Variants in CALN1 observed in about 807,000 individuals in gnomAD.
The protein encoded by CALN1 is calneuron 1.
Under a neutral mutation model 30.6 loss-of-function variants are expected in CALN1, and 17 were observed. The observed-to-expected ratio is 0.56, with a 90% CI of 0.38 to 0.83. The LOEUF (loss-of-function observed/expected upper bound fraction) is 0.83. CALN1 is among the 40% of genes least tolerant of loss of function. The pLI, the probability that CALN1 is intolerant of heterozygous loss-of-function variation, is 0.00. For missense variants in CALN1, 291 were observed against 354.9 expected, an observed-to-expected ratio of 0.82 and a Z score of 1.45; for synonymous variants, 156 against 131.4, an observed-to-expected ratio of 1.19 and a Z score of -1.28.
intron 2 of CALN1, among the ~76,000 whole-genome samples, chr7:72,368,153 G>T (rs1034967820): frequency 1.1e-4 from 16 of 150,542 alleles, no homozygotes; most frequent in Non-Finnish European, 4.4e-5. Context: ...ATATCTATGT[G>T]TGTGTATATA....
chr7:72,425,268 C>A (rs1429031255), intron 1 of CALN1, among the ~76,000 whole-genome samples: 4 of 152,182 alleles, frequency 2.6e-5, no homozygotes, highest in African/African-American at 9.7e-5. Flanking sequence ...CACGTGCCAC[C>A]ACACCCAGCT....
At chr7:72,482,585 C>T in the CALN1 span, among the ~76,000 whole-genome samples, 3 of 152,192 alleles carry the variant, frequency 2.0e-5, no homozygotes, top group East Asian at 5.8e-4. Context: ...TCAAATGATA[C>T]TATACCACTT....
At chr7:71,810,896 C>CTTTTTTTTTT (rs71092916) in intron 5 of CALN1, among the ~76,000 whole-genome samples, 1 of 139,196 alleles carries the variant, frequency 7.2e-6, no homozygotes, top group African/African-American at 2.6e-5. Context: ...AAGCATGTAT[C>CTTTTTTTTTT]TTTTTTTTTT....
At chr7:72,146,074 C>T (rs1453371729) in intron 3 of CALN1, among the ~76,000 whole-genome samples, 1 of 152,148 alleles carries the variant, frequency 6.6e-6, no homozygotes, top group Non-Finnish European at 1.5e-5. Context: ...GACAGGGATG[C>T]CCTCTCTCAC....
rs1032764504 is a variant in CALN1 at position 72,090,472 on chromosome 7, T to C, written c.388+15679A>G. The stretch of plus-strand genomic sequence containing the variant: ...ACCGTCTATTAAAATTTGAGAGATA[T>C]TACTGAGACTTTTCTCAGTGTCCAA... On this transcript the variant is annotated intron_variant, in intron 4 of 6. Transcript: ENST00000395275. Among the ~76,000 whole-genome samples the C allele has an allele frequency of 1.3e-4, 20 of 152,170 alleles. 2 individuals carry two copies. The highest frequency in any genetic ancestry group is 1.2e-3 in the Admixed American group (19 of 15,274).
chr7:72,005,690 A>G (rs1042975960), intron 5 of CALN1, among the ~76,000 whole-genome samples: 1 of 152,160 alleles, frequency 6.6e-6, no homozygotes, highest in Non-Finnish European at 1.5e-5. Context: ...TGATGGAAGA[A>G]AAACGCCCAC....
chr7:72,497,441 A>G, the CALN1 span, among the ~76,000 whole-genome samples: 2 of 152,208 alleles, frequency 1.3e-5, no homozygotes, highest in Non-Finnish European at 2.9e-5. Context: ...CCCCATCTCA[A>G]AAAAAACAAA....
intron 5 of CALN1, among the ~76,000 whole-genome samples, chr7:71,968,055 A>T (rs1443079489): frequency 6.6e-6 from 1 of 152,202 alleles, no homozygotes; most frequent in Non-Finnish European, 1.5e-5. Flanking sequence ...GAGAAATGAA[A>T]ATATATGCCC....
At chr7:72,033,721 C>A (rs796787266) in intron 4 of CALN1, among the ~76,000 whole-genome samples, 24 of 152,198 alleles carry the variant, frequency 1.6e-4, no homozygotes, top group African/African-American at 5.8e-4. Context: ...CAAGCTGGGC[C>A]CAGAAGGTCA....
Position 72,403,392 on chromosome 7 carries a change from CAG to C in CALN1, c.-25_-24del, listed in dbSNP as rs535487291. On this transcript the variant is annotated 5_prime_UTR_variant, in exon 2 of 7. Transcript: ENST00000395275. ...CATCGGGGGTCCAGGGCGATGTTCTCAGAGAGAGTTAGAAGCTCATCAAAGGA... is the reference window on the plus strand; with the variant it reads ...CATCGGGGGTCCAGGGCGATGTTCTCAGAGAGTTAGAAGCTCATCAAAGGA... 345 of 1,530,872 alleles carry C rather than the reference CAG, an allele frequency of 2.3e-4. 4 individuals are homozygous for C. The South Asian group carries it at 3.5e-3, about 16-fold the overall frequency. The allele number at this position is 1,530,872 out of a possible 1,614,324, so 94.8% of individuals were successfully genotyped here.
At chr7:72,140,883 G>A (rs1350726045) in intron 3 of CALN1, among the ~76,000 whole-genome samples, 1 of 152,246 alleles carries the variant, frequency 6.6e-6, no homozygotes, top group Admixed American at 6.5e-5. Flanking sequence ...TCCAGCCCAG[G>A]GCGCTGGGGC....
At chr7:72,132,441 A>C (rs1263204881) in intron 3 of CALN1, among the ~76,000 whole-genome samples, 1 of 152,208 alleles carries the variant, frequency 6.6e-6, no homozygotes, top group African/African-American at 2.4e-5. Flanking sequence ...CATGAAGTCA[A>C]AAATGTGTAA....
intron 3 of CALN1, among the ~76,000 whole-genome samples, chr7:72,156,081 T>C (rs1450542960): frequency 6.6e-6 from 1 of 152,088 alleles, no homozygotes; most frequent in African/African-American, 2.4e-5. Context: ...GGTTAGGACA[T>C]GAACATCTTT....
upstream of CALN1, among the ~76,000 whole-genome samples, chr7:72,448,372 G>A (rs550404705): frequency 1.2e-4 from 19 of 152,260 alleles, no homozygotes; most frequent in East Asian, 1.4e-3. Context: ...GATAGAGCAC[G>A]AATCTGTGTC....
Position 71,847,833 on chromosome 7 carries a change from AG to A in CALN1, c.502-37342del, listed in dbSNP as rs1554353706. On this transcript the variant is annotated intron_variant, in intron 5 of 6. Transcript: ENST00000395275. ...AAGGAGAAGGAGAAGGAGAAGGAGA[AG>A]GAGAAGGAGAAGGAGAAGAAGAAGA... 2.7e-3 allele frequency among the ~76,000 whole-genome samples: 265 copies of A among 98,866 alleles called. 2 individuals are homozygous for A. Among genetic ancestry groups the A allele is most frequent in the African/African-American group, 0.012 (241 of 19,630 alleles). 64.9% of individuals were successfully genotyped at this position (98,866 alleles called of 152,430 possible).
At chr7:71,934,532 A>C (rs1314425928) in intron 5 of CALN1, among the ~76,000 whole-genome samples, 1 of 152,182 alleles carries the variant, frequency 6.6e-6, no homozygotes, top group Non-Finnish European at 1.5e-5. Flanking sequence ...GTGCCACGTG[A>C]CAAGAAAGGG....
intron 5 of CALN1, among the ~76,000 whole-genome samples, chr7:72,002,968 G>C (rs1310274982): frequency 1.3e-5 from 2 of 152,144 alleles, no homozygotes; most frequent in Non-Finnish European, 2.9e-5. Flanking sequence ...AAGTTCAGGA[G>C]ATCTATTATA....
chr7:72,008,812 C>G (rs144177400), intron 5 of CALN1, among the ~76,000 whole-genome samples: 1 of 151,872 alleles, frequency 6.6e-6, no homozygotes, highest in Non-Finnish European at 1.5e-5. Context: ...CCCGCCACCA[C>G]GCCCATCTAA....
intron 5 of CALN1, among the ~76,000 whole-genome samples, chr7:71,865,853 AT>A (rs1791553208): frequency 6.6e-6 from 1 of 152,214 alleles, no homozygotes. Flanking sequence ...GCAGAATAAT[AT>A]TTAATGATGT....
Sources: gnomAD v4.1 joint callset for allele counts (sites outside exome capture counted in the v4.1 genomes callset) on GRCh38, gnomAD v4.1.1 for gene constraint, MANE v1.5 for transcripts, NCBI Gene and HGNC (gene_info 2026-07-23, HGNC 2026-07-21) for gene names.